TRIM24: variants seen among roughly 807,000 people sequenced by gnomAD.
TRIM24 encodes the protein transcription intermediary factor 1-alpha.
A neutral mutation model predicts 123.9 loss-of-function variants in TRIM24; 29 were observed. The ratio of observed to expected loss-of-function variants is 0.23; its 90% CI spans 0.17 to 0.32. The LOEUF (loss-of-function observed/expected upper bound fraction) is 0.32. Ranked by LOEUF, TRIM24 falls within the 10% of genes least tolerant of loss-of-function variation. The probability of loss-of-function intolerance (pLI) is 1.00; values close to 1 mark genes in which losing one functional copy is unlikely to be tolerated. For missense variants in TRIM24, 932 were observed against 1,295.3 expected (o/e 0.72, Z 4.31); for synonymous variants, 456 against 461.1 (o/e 0.99, Z 0.14).
chr7:138,493,861 C>T (rs1314468895), intron 1 of TRIM24, among the ~76,000 whole-genome samples: 1 of 152,176 alleles, frequency 6.6e-6, no homozygotes, highest in African/African-American at 2.4e-5. Context: ...ATAACCTTAT[C>T]ACAGCTGTCT....
chr7:138,576,935 A>T (rs1797773821), intron 13 of TRIM24, among the ~76,000 whole-genome samples: 1 of 152,230 alleles, frequency 6.6e-6, no homozygotes, highest in Non-Finnish European at 1.5e-5. Flanking sequence ...CATATGGAAG[A>T]ATTGTCTGAG....
chr7:138,558,369 C>T (rs976621964), intron 9 of TRIM24, among the ~76,000 whole-genome samples: 9 of 152,102 alleles, frequency 5.9e-5, no homozygotes, highest in Admixed American at 3.9e-4. Flanking sequence ...CAGAATCTCC[C>T]GATAATAGAG....
intron 1 of TRIM24, among the ~76,000 whole-genome samples, chr7:138,465,947 G>GT (rs1427529515): frequency 6.6e-6 from 1 of 152,160 alleles, no homozygotes; most frequent in Non-Finnish European, 1.5e-5. Context: ...CCCTCCAGCA[G>GT]TTCTCTCCAA....
At chr7:138,552,978 T>A (rs1757280229) in intron 8 of TRIM24, among the ~76,000 whole-genome samples, 1 of 152,208 alleles carries the variant, frequency 6.6e-6, no homozygotes, top group South Asian at 2.1e-4. Context: ...TATATCACAA[T>A]AGGTAAATAC....
chr7:138,547,648 A>C (rs544320997), intron 7 of TRIM24, among the ~76,000 whole-genome samples: 18 of 152,244 alleles, frequency 1.2e-4, no homozygotes, highest in African/African-American at 4.3e-4. Flanking sequence ...TTTGCTACAT[A>C]TTCTACCTAG....
Position 138,570,770 on chromosome 7 carries a change from T to G in TRIM24, c.1705-60T>G, listed in dbSNP as rs928346587. On this transcript the variant is annotated intron_variant, in intron 10 of 18. Coordinates refer to ENST00000343526, the MANE Select transcript of TRIM24 (RefSeq NM_015905.3). ...ACTTCATTTTGTGTGAGTGATTACATAGATGTTGTATTTTATAAGCTTGTT... is the reference window on the plus strand; with the variant it reads ...ACTTCATTTTGTGTGAGTGATTACAGAGATGTTGTATTTTATAAGCTTGTT... 5 of 1,557,286 alleles carry G rather than the reference T, an allele frequency of 3.2e-6. No individual in the cohort carries two copies. In the African/African-American group the frequency reaches 6.8e-5, roughly 21 times the overall value.
chr7:138,581,183 T>A (rs1797887489), intron 16 of TRIM24, among the ~76,000 whole-genome samples: 2 of 152,168 alleles, frequency 1.3e-5, no homozygotes. Context: ...CTTTGCTAAA[T>A]TATTAAGTAG....
chr7:138,508,708 C>CGTGTGCGTGTGTGCGTGTGCGT (rs1554436685), intron 2 of TRIM24, among the ~76,000 whole-genome samples: 1 of 136,194 alleles, frequency 7.3e-6, no homozygotes, highest in African/African-American at 2.7e-5. Context: ...CGCGTGTGTG[C>CGTGTGCGTGTGTGCGTGTGCGT]GTGTGTGTGT....
At chr7:138,555,881 A>G (rs992962702) in intron 9 of TRIM24, among the ~76,000 whole-genome samples, 5 of 152,104 alleles carry the variant, frequency 3.3e-5, no homozygotes, top group African/African-American at 7.2e-5. Context: ...ATCACCTTAC[A>G]TCTTACCAGA....
At chr7:138,531,558 T>A (rs1203549471) in intron 6 of TRIM24, among the ~76,000 whole-genome samples, 1 of 152,220 alleles carries the variant, frequency 6.6e-6, no homozygotes, top group Non-Finnish European at 1.5e-5. Context: ...CATCATTTTT[T>A]ATGGCTGCAT....
At chr7:138,460,950 AGGGCCAGGAGG>A (rs1723474045) in intron 1 of TRIM24, 38 bp downstream of exon 1, 2 of 1,356,594 alleles carry the variant, frequency 1.5e-6, no homozygotes, top group African/African-American at 3.1e-5. Context: ...GCCCGGGGAG[AGGGCCAGGAGG>A]GGGCGGGCGC....
At chr7:138,462,876 A>ATTTT (rs997406122) in intron 1 of TRIM24, among the ~76,000 whole-genome samples, 4 of 144,852 alleles carry the variant, frequency 2.8e-5, no homozygotes, top group Admixed American at 1.4e-4. Flanking sequence ...TTATTTATTT[A>ATTTT]TTTTTTTTTT....
At chr7:138,488,449 G>A (rs7808392) in intron 1 of TRIM24, among the ~76,000 whole-genome samples, 124,678 of 152,148 alleles carry the variant, frequency 0.82, 51,488 homozygotes, top group African/African-American at 0.89. Context: ...TAGGGTGTCA[G>A]TTTTAGATCT....
At position 138,585,974 on chromosome 7, in the gene TRIM24, A is replaced by T; in HGVS notation, c.*1023A>T. The T allele has an allele frequency of 2.0e-6, 1 of 499,302 alleles. No individual in the cohort carries two copies. Among genetic ancestry groups the T allele is most frequent in the Admixed American group, 2.0e-5 (1 of 49,680 alleles). 30.9% of individuals were successfully genotyped at this position (499,302 alleles called of 1,614,324 possible). ...AAATGTGTTGTAGGATTTTGGGAGCAGGCAGCTGGGGGGAATTAATAGTGA... is the reference window on the plus strand; with the variant it reads ...AAATGTGTTGTAGGATTTTGGGAGCTGGCAGCTGGGGGGAATTAATAGTGA... On this transcript the variant is annotated 3_prime_UTR_variant, in exon 19 of 19. Coordinates refer to ENST00000343526, the MANE Select transcript of TRIM24 (RefSeq NM_015905.3).
intron 1 of TRIM24, among the ~76,000 whole-genome samples, chr7:138,462,382 C>T (rs1389330284): frequency 6.7e-6 from 1 of 149,516 alleles, no homozygotes; most frequent in Non-Finnish European, 1.5e-5. Flanking sequence ...GCTCTGTCGC[C>T]CAGGCTGGAG....
intron 1 of TRIM24, among the ~76,000 whole-genome samples, chr7:138,491,569 T>C (rs1238167548): frequency 6.6e-6 from 1 of 150,554 alleles, no homozygotes; most frequent in African/African-American, 2.4e-5. Flanking sequence ...GCACATTTTA[T>C]TTACACATTG....
intron 6 of TRIM24, among the ~76,000 whole-genome samples, chr7:138,535,924 CTT>C (rs987552517): frequency 1.3e-5 from 2 of 152,110 alleles, no homozygotes; most frequent in African/African-American, 4.8e-5. Context: ...TCTTTTTACT[CTT>C]TTTTCTCTAA....
At chr7:138,467,450 T>A (rs547136684) in intron 1 of TRIM24, among the ~76,000 whole-genome samples, 1 of 152,308 alleles carries the variant, frequency 6.6e-6, no homozygotes, top group Non-Finnish European at 1.5e-5. Context: ...CAAGTGATTC[T>A]CCTGCCTCAG....
At chr7:138,498,251 G>A (rs1795958264) in intron 1 of TRIM24, among the ~76,000 whole-genome samples, 1 of 151,980 alleles carries the variant, frequency 6.6e-6, no homozygotes, top group African/African-American at 2.4e-5. Context: ...TCGAGACAGA[G>A]TCTCGCTCTG....
Sources: allele counts gnomAD v4.1 joint callset (sites outside exome capture counted in the v4.1 genomes callset), GRCh38; gene constraint gnomAD v4.1.1; transcripts MANE v1.5; gene names NCBI Gene and HGNC (gene_info 2026-07-23, HGNC 2026-07-21).